The following TASP1 variants were observed in gnomAD, a reference collection of about 807,000 sequenced individuals.
TASP1 encodes taspase 1.
TASP1 carries 16 observed loss-of-function variants against 56.6 expected under a neutral mutation model. That is an observed-to-expected ratio of 0.28 (90% CI 0.19 to 0.43). The LOEUF is 0.43. Among genes scored for constraint, TASP1 ranks in the 20% least tolerant of loss-of-function variants. TASP1 has a pLI of 1.00. For synonymous variants in TASP1, 179 were observed against 184.2 expected, an observed-to-expected ratio of 0.97 and a Z score of 0.23; for missense variants, 393 against 511.6, an observed-to-expected ratio of 0.77 and a Z score of 2.24.
intron 13 of TASP1, 76 bp downstream of exon 13, chr20:13,417,372 C>T (rs2042291581): frequency 1.3e-6 from 2 of 1,509,300 alleles, no homozygotes; most frequent in East Asian, 4.5e-5. Context: ...AAAATTCATC[C>T]ACATCAACTT....
the TASP1 span, among the ~76,000 whole-genome samples, chr20:13,160,468 C>T: frequency 3.3e-5 from 5 of 152,170 alleles, no homozygotes; most frequent in African/African-American, 1.2e-4. Flanking sequence ...TTACATGCAT[C>T]CTGACATTTT....
intron 7 of TASP1, among the ~76,000 whole-genome samples, chr20:13,566,992 C>T (rs1378928927): frequency 6.6e-6 from 1 of 152,146 alleles, no homozygotes; most frequent in East Asian, 1.9e-4. Flanking sequence ...TTCACTGCAG[C>T]ACTATTCACA....
the TASP1 span, among the ~76,000 whole-genome samples, chr20:13,243,538 T>C: frequency 6.6e-6 from 1 of 152,196 alleles, no homozygotes; most frequent in African/African-American, 2.4e-5. Context: ...CTCTTAGCTG[T>C]TTGTCTTATT....
the TASP1 span, among the ~76,000 whole-genome samples, chr20:13,260,453 G>A: frequency 6.6e-6 from 1 of 152,194 alleles, no homozygotes; most frequent in South Asian, 2.1e-4. Context: ...ACCCAGCTTT[G>A]AGCTAACAGG....
At chr20:13,412,180 A>G (rs1202079980) in intron 13 of TASP1, among the ~76,000 whole-genome samples, 2 of 152,162 alleles carry the variant, frequency 1.3e-5, no homozygotes, top group East Asian at 3.9e-4. Flanking sequence ...CGGTGGGTAT[A>G]AGCTCTCTGT....
chr20:13,204,688 C>T, the TASP1 span, among the ~76,000 whole-genome samples: 2 of 152,014 alleles, frequency 1.3e-5, no homozygotes, highest in African/African-American at 2.4e-5. Context: ...TACAGGTGCA[C>T]GCCACCAGTG....
At chr20:13,337,948 C>T in the TASP1 span, among the ~76,000 whole-genome samples, 3 of 152,256 alleles carry the variant, frequency 2.0e-5, no homozygotes, top group South Asian at 6.2e-4. Context: ...AAGCATTTGT[C>T]CTTACGTTAC....
At chr20:13,213,727 G>T in the TASP1 span, among the ~76,000 whole-genome samples, 1 of 152,078 alleles carries the variant, frequency 6.6e-6, no homozygotes, top group Non-Finnish European at 1.5e-5. Context: ...TAGCATCTCC[G>T]TATCTTGAAA....
At chr20:13,494,680 C>T (rs117630467) in intron 10 of TASP1, among the ~76,000 whole-genome samples, 1,698 of 152,054 alleles carry the variant, frequency 0.011, 19 homozygotes, top group Middle Eastern at 0.024. Flanking sequence ...ACAGTCACTG[C>T]AGAAACCAGG....
At chr20:13,626,733 C>T (rs6033777) in intron 2 of TASP1, among the ~76,000 whole-genome samples, 46,534 of 152,094 alleles carry the variant, frequency 0.31, 9,914 homozygotes, top group African/African-American at 0.61. Flanking sequence ...TCTCTAAGAA[C>T]AGGTGATCTC....
At chr20:13,352,275 C>T in the TASP1 span, among the ~76,000 whole-genome samples, 1 of 151,916 alleles carries the variant, frequency 6.6e-6, no homozygotes, top group Non-Finnish European at 1.5e-5. Context: ...CATGGCGAAA[C>T]CCCATCTTTA....
At chr20:13,421,672 A>G (rs985628000) in intron 12 of TASP1, among the ~76,000 whole-genome samples, 3 of 152,202 alleles carry the variant, frequency 2.0e-5, no homozygotes, top group African/African-American at 7.2e-5. Flanking sequence ...TTATCAGACT[A>G]CCAGGTTTCA....
intron 12 of TASP1, among the ~76,000 whole-genome samples, chr20:13,421,191 C>T (rs2042422268): frequency 6.8e-6 from 1 of 148,116 alleles, no homozygotes; most frequent in Non-Finnish European, 1.5e-5. Context: ...CAGCTCACTA[C>T]ACCCTCCACC....
At chr20:13,498,590 C>T (rs947634852) in intron 10 of TASP1, among the ~76,000 whole-genome samples, 4 of 151,804 alleles carry the variant, frequency 2.6e-5, no homozygotes, top group Non-Finnish European at 5.9e-5. Context: ...AACTCCTGAC[C>T]GCCTCGGCCT....
At chr20:13,623,360 G>T in intron 4 of TASP1, 86 bp downstream of exon 4, 1 of 1,126,262 alleles carries the variant, frequency 8.9e-7, no homozygotes, top group Non-Finnish European at 1.3e-6. Flanking sequence ...ATAATTTATG[G>T]TTGACTAACT....
intron 4 of TASP1, among the ~76,000 whole-genome samples, chr20:13,605,574 G>C (rs1169105888): frequency 6.6e-6 from 1 of 151,950 alleles, no homozygotes; most frequent in Admixed American, 6.6e-5. Flanking sequence ...CAGCTGCTCG[G>C]GAGGGAGATC....
intron 12 of TASP1, among the ~76,000 whole-genome samples, chr20:13,427,498 T>C (rs963699592): frequency 6.6e-6 from 1 of 152,192 alleles, no homozygotes; most frequent in African/African-American, 2.4e-5. Flanking sequence ...AATTTTCATA[T>C]AATAAATCAT....
intron 13 of TASP1, among the ~76,000 whole-genome samples, chr20:13,415,536 A>C (rs1027706008): frequency 2.6e-5 from 4 of 151,780 alleles, no homozygotes; most frequent in East Asian, 1.9e-4. Context: ...AAGGAAGGTC[A>C]AAAACATAAT....
chr20:13,314,214 A>T, the TASP1 span, among the ~76,000 whole-genome samples: 1 of 152,196 alleles, frequency 6.6e-6, no homozygotes, highest in Admixed American at 6.5e-5. Context: ...TATTTGAAAT[A>T]ATAATAACAG....
Sources: gnomAD v4.1 joint callset for allele counts (sites outside exome capture counted in the v4.1 genomes callset) on GRCh38, gnomAD v4.1.1 for gene constraint, MANE v1.5 for transcripts, NCBI Gene and HGNC (gene_info 2026-07-23, HGNC 2026-07-21) for gene names.